Variants in ATP8A2 observed in about 807,000 individuals in gnomAD.
ATP8A2 encodes ATPase phospholipid transporting 8A2.
Under a neutral mutation model 165.6 loss-of-function variants are expected in ATP8A2, and 100 were observed. The observed-to-expected ratio is 0.60, with a 90% CI of 0.51 to 0.71. The LOEUF is 0.71. Ranked by LOEUF, ATP8A2 falls within the 30% of genes least tolerant of loss-of-function variation. The pLI is 0.00. For missense variants in ATP8A2, 1,227 were observed against 1,479.5 expected, an observed-to-expected ratio of 0.83 and a Z score of 2.80; for synonymous variants, 543 against 548.8, an observed-to-expected ratio of 0.99 and a Z score of 0.15.
intron 13 of ATP8A2, among the ~76,000 whole-genome samples, chr13:25,556,260 A>T (rs930436355): frequency 6.6e-6 from 1 of 152,228 alleles, no homozygotes; most frequent in African/African-American, 2.4e-5. Flanking sequence ...TTTTCTGTGC[A>T]GCATTGCCAG....
chr13:25,603,910 G>C (rs2040451956), intron 24 of ATP8A2, among the ~76,000 whole-genome samples: 1 of 152,062 alleles, frequency 6.6e-6, no homozygotes, highest in South Asian at 2.1e-4. Context: ...TGGGAAATCA[G>C]GGGAAAGGTC....
intron 27 of ATP8A2, among the ~76,000 whole-genome samples, chr13:25,821,682 G>C (rs1386228480): frequency 1.3e-5 from 2 of 152,100 alleles, no homozygotes; most frequent in African/African-American, 4.8e-5. Flanking sequence ...CTTTAGTCTA[G>C]GGTTTCTCAA....
chr13:25,691,755 A>C (rs1390616497), intron 24 of ATP8A2, among the ~76,000 whole-genome samples: 1 of 152,210 alleles, frequency 6.6e-6, no homozygotes, highest in Non-Finnish European at 1.5e-5. Flanking sequence ...CCTAGATTGG[A>C]AGAAGGCAAT....
chr13:25,937,162 A>G (rs1410113522), intron 33 of ATP8A2, among the ~76,000 whole-genome samples: 2 of 152,102 alleles, frequency 1.3e-5, no homozygotes, highest in Non-Finnish European at 2.9e-5. Flanking sequence ...TTTAAAGAAG[A>G]GGGGATAAAG....
rs760016332 is a variant in ATP8A2 at position 25,559,745 on chromosome 13, G to T, written c.1377G>T (p.Glu459Asp). 6.2e-7 allele frequency: 1 copy of T among 1,613,478 alleles called. No homozygotes were observed. Among genetic ancestry groups the T allele is most frequent in the Non-Finnish European group, 8.5e-7 (1 of 1,179,532 alleles). Residue 459 changes from glutamate (E) to aspartate (D), a missense_variant, in exon 15 of 37, where the codon GAG (glutamate) becomes GAT (aspartate). Glu to Asp is a conservative substitution (Grantham distance 45). Transcript: ENST00000381655. Reference sequence around the variant, plus strand: ...GTCACTTCCCAGAATTGGCAAGAGAGCCGTCTTCAGATGACTTCTGGTAAG... The same window carrying T: ...GTCACTTCCCAGAATTGGCAAGAGATCCGTCTTCAGATGACTTCTGGTAAG... ...TYGHFPELAR[E>D]PSSDDFCRMP...
chr13:25,618,684 T>A (rs1593662442), intron 24 of ATP8A2, among the ~76,000 whole-genome samples: 1 of 17,344 alleles, frequency 5.8e-5, no homozygotes, highest in African/African-American at 1.1e-4. Context: ...ATAGTTAGAC[T>A]TTTTTTTTTT....
chr13:25,986,849 ATTCT>A (rs1243201727), intron 35 of ATP8A2, among the ~76,000 whole-genome samples: 2 of 152,176 alleles, frequency 1.3e-5, no homozygotes, highest in Non-Finnish European at 2.9e-5. Context: ...AATAAGGACC[ATTCT>A]TTACCTTAGA....
chr13:25,719,467 G>GTGGATGGA (rs1193366855), intron 25 of ATP8A2, among the ~76,000 whole-genome samples: 10 of 150,120 alleles, frequency 6.7e-5, no homozygotes, highest in African/African-American at 2.0e-4. Flanking sequence ...GGGTGGATGG[G>GTGGATGGA]TGGATGGATG....
intron 1 of ATP8A2, among the ~76,000 whole-genome samples, chr13:25,403,697 A>G (rs563034456): frequency 9.2e-5 from 14 of 152,170 alleles, no homozygotes; most frequent in African/African-American, 2.7e-4. Flanking sequence ...TATGGTCTTG[A>G]AATATTTTTT....
chr13:25,518,901 CAGAT>C (rs1032340645), intron 2 of ATP8A2, among the ~76,000 whole-genome samples: 4 of 152,172 alleles, frequency 2.6e-5, no homozygotes, highest in African/African-American at 9.7e-5. Flanking sequence ...GGAGGGTTTG[CAGAT>C]AGATATTATT....
intron 33 of ATP8A2, among the ~76,000 whole-genome samples, chr13:25,877,818 A>T (rs1403269909): frequency 6.6e-6 from 1 of 152,232 alleles, no homozygotes; most frequent in Non-Finnish European, 1.5e-5. Context: ...CCCTTCAGAC[A>T]TGTCAAGGAA....
At chr13:25,742,617 T>C (rs2043937753) in intron 25 of ATP8A2, among the ~76,000 whole-genome samples, 1 of 151,890 alleles carries the variant, frequency 6.6e-6, no homozygotes, top group African/African-American at 2.4e-5. Flanking sequence ...TAAACATATT[T>C]GACTTAATTA....
chr13:25,848,967 G>C (rs944946691), intron 30 of ATP8A2, among the ~76,000 whole-genome samples: 2 of 151,758 alleles, frequency 1.3e-5, no homozygotes, highest in African/African-American at 4.8e-5. Context: ...GATGGGGTGC[G>C]CTTCCTCTGA....
chr13:25,623,327 T>C (rs2137468183), intron 24 of ATP8A2, among the ~76,000 whole-genome samples: 1 of 152,200 alleles, frequency 6.6e-6, no homozygotes, highest in East Asian at 1.9e-4. Context: ...GCCCAGGAGT[T>C]TGAGGTTGTA....
At chr13:25,631,780 C>CT (rs1174727918) in intron 24 of ATP8A2, among the ~76,000 whole-genome samples, 1 of 152,150 alleles carries the variant, frequency 6.6e-6, no homozygotes, top group African/African-American at 2.4e-5. Flanking sequence ...CTTCTTGCAG[C>CT]TTTACATAGA....
At chr13:25,387,781 A>C (rs1224436085) in intron 1 of ATP8A2, among the ~76,000 whole-genome samples, 1 of 152,108 alleles carries the variant, frequency 6.6e-6, no homozygotes, top group Non-Finnish European at 1.5e-5. Context: ...TCTCTTTACT[A>C]GGCCTGGCGT....
At chr13:25,583,872 A>C (rs2039845774) in intron 23 of ATP8A2, among the ~76,000 whole-genome samples, 1 of 152,204 alleles carries the variant, frequency 6.6e-6, no homozygotes, top group South Asian at 2.1e-4. Flanking sequence ...CTCATGCCAG[A>C]ACCGCTCACA....
chr13:25,605,767 A>T (rs900201201), intron 24 of ATP8A2, among the ~76,000 whole-genome samples: 1 of 152,092 alleles, frequency 6.6e-6, no homozygotes, highest in Admixed American at 6.5e-5. Context: ...TATTTCTGTG[A>T]TTTATTTAAA....
Position 25,524,288 on chromosome 13 carries a change from A to G in ATP8A2, c.222-5711A>G, listed in dbSNP as rs140770573. Among the ~76,000 whole-genome samples, 758 of 152,314 alleles carry G rather than the reference A, an allele frequency of 5.0e-3. 7 individuals are homozygous for G. Among genetic ancestry groups the G allele is most frequent in the African/African-American group, 0.018 (728 of 41,598 alleles). On this transcript the variant is annotated intron_variant, in intron 2 of 36. Transcript: ENST00000381655. Reference sequence around the variant, plus strand: ...TGATTTATATCCTAAGATATGGTCTATTCTAAAGAATGTTCTGTATACCAA... The same window carrying G: ...TGATTTATATCCTAAGATATGGTCTGTTCTAAAGAATGTTCTGTATACCAA...
Sources: allele counts gnomAD v4.1 joint callset (sites outside exome capture counted in the v4.1 genomes callset), GRCh38; gene constraint gnomAD v4.1.1; transcripts MANE v1.5; gene names NCBI Gene and HGNC (gene_info 2026-07-23, HGNC 2026-07-21).